SCN10A: variants seen among roughly 807,000 people sequenced by gnomAD.
The protein encoded by SCN10A is sodium voltage-gated channel alpha subunit 10, also known as sodium channel protein type 10 subunit alpha.
A neutral mutation model predicts 170.7 loss-of-function variants in SCN10A; 162 were observed. The observed-to-expected ratio is 0.95, with a 90% CI of 0.84 to 1.08. The LOEUF (loss-of-function observed/expected upper bound fraction) is 1.08. Ranked by LOEUF, SCN10A falls within the 50% of genes least tolerant of loss-of-function variation. SCN10A has a pLI of 0.00. For synonymous variants in SCN10A, 985 were observed against 904.6 expected (o/e 1.09, Z -1.59); for missense variants, 2,527 against 2,436.9 (o/e 1.04, Z -0.78).
intron 5 of SCN10A, among the ~76,000 whole-genome samples, chr3:38,766,651 G>A (rs1046199917): frequency 2.6e-5 from 4 of 151,978 alleles, no homozygotes; most frequent in Non-Finnish European, 5.9e-5. Context: ...TTTTGTTGAG[G>A]ATTTTTGCAT....
chr3:38,698,704 G>A (rs1401128911), intron 27 of SCN10A, 142 bp from the exon 28 acceptor site: 2 of 727,852 alleles, frequency 2.7e-6, no homozygotes, highest in Admixed American at 2.5e-5. Context: ...CTCAGAGCCT[G>A]GCATGGTAGG....
At chr3:38,778,921 A>G (rs2064106170) in intron 4 of SCN10A, among the ~76,000 whole-genome samples, 1 of 152,122 alleles carries the variant, frequency 6.6e-6, no homozygotes, top group Admixed American at 6.6e-5. Flanking sequence ...TACTTTTCAT[A>G]GTGTGCATAT....
intron 1 of SCN10A, among the ~76,000 whole-genome samples, chr3:38,809,668 G>A (rs148437758): frequency 2.0e-5 from 3 of 152,226 alleles, no homozygotes; most frequent in Non-Finnish European, 2.9e-5. Flanking sequence ...TTCTCTTCTG[G>A]ATCTTAGTTT....
At chr3:38,746,474 CT>C (rs1439073304) in intron 13 of SCN10A, among the ~76,000 whole-genome samples, 6 of 151,998 alleles carry the variant, frequency 3.9e-5, no homozygotes, top group Non-Finnish European at 8.8e-5. Flanking sequence ...CATACTTCCC[CT>C]CTTATATCTA....
rs151164057 is a variant in SCN10A at position 38,712,149 on chromosome 3, T to A, written c.4089+12A>T. 1.7e-4 allele frequency: 276 copies of A among 1,613,176 alleles called. No homozygotes were observed. In the East Asian group the frequency reaches 5.9e-3, roughly 35 times the overall value. On this transcript the variant is annotated intron_variant, in intron 23 of 27. Coordinates refer to ENST00000449082, the MANE Select transcript of SCN10A (RefSeq NM_006514.4). ...AAAGCAAGAGATATGGTTGATCTCA[T>A]GGTTGACTCACCACCTGCAGAAGTG... is the stretch of plus-strand genomic sequence containing the variant.
intron 3 of SCN10A, among the ~76,000 whole-genome samples, chr3:38,790,460 T>C (rs1456035080): frequency 6.6e-6 from 1 of 152,014 alleles, no homozygotes; most frequent in African/African-American, 2.4e-5. Flanking sequence ...GTCACTTGGT[T>C]CTTTTTAGGG....
rs745939820 is a variant in SCN10A at position 38,752,258 on chromosome 3, C to T, written c.1716G>A (p.Pro572=). 4.8e-5 allele frequency: 75 copies of T among 1,568,664 alleles called. No homozygotes were observed. The highest frequency in any genetic ancestry group is 6.1e-5 in the Non-Finnish European group (70 of 1,156,420). The change falls in exon 12 of 28, where the codon CCG becomes CCA. Residue 572 remains proline (P), a synonymous_variant. Coordinates refer to ENST00000449082, the MANE Select transcript of SCN10A (RefSeq NM_006514.4). ...CTCCAGGGGCAAGCTCACTAGTGGG[C>T]GGCGGTTGGTGTTCATCTTCTCCAT... is the stretch of plus-strand genomic sequence containing the variant. ...SRHGEDEHQP[P]PTSELAPGAV...
Position 38,793,923 on chromosome 3 carries a change from C to T in SCN10A, c.88G>A (p.Ala30Thr). 6.2e-7 allele frequency: 1 copy of T among 1,614,102 alleles called. No individual in the cohort carries two copies. ...CTGGCTTTCTTTGTTCCCTGCTTGG[C>T]AGCAATTTGCTTCTCTATCTCCACC... ...SLVEIEKQIA[A>T]KQGTKKAREK... The change falls in exon 2 of 28, where the codon GCC becomes ACC. Residue 30 changes from alanine to threonine, a missense_variant. Transcript: ENST00000449082.
At chr3:38,723,113 G>A (rs1387178408) in intron 19 of SCN10A, among the ~76,000 whole-genome samples, 2 of 152,130 alleles carry the variant, frequency 1.3e-5, no homozygotes, top group Non-Finnish European at 2.9e-5. Context: ...AGTTTTCAGT[G>A]GTGTTTATGG....
At chr3:38,787,000 C>T (rs1327437153) in intron 4 of SCN10A, among the ~76,000 whole-genome samples, 1 of 152,086 alleles carries the variant, frequency 6.6e-6, no homozygotes, top group Non-Finnish European at 1.5e-5. Context: ...ATAATTTGCT[C>T]TTTAAAATTT....
chr3:38,757,304 G>A (rs2063819701), intron 8 of SCN10A, 145 bp from the exon 9 acceptor site: 2 of 756,688 alleles, frequency 2.6e-6, no homozygotes. Flanking sequence ...TGGACACTTG[G>A]TCTGTTTAGG....
In SCN10A at chr3:38,726,983, C is replaced by T. The variant is rs774493534; in HGVS notation, c.2710G>A (p.Asp904Asn). ...SADNLTAPED[D>N]GEVNNLQVAL... ...ACCTGCAGGTTGTTCACCTCCCCAT[C>T]GTCCTCCGGGGCTGTGAGGTTGTCA... Residue 904 changes from aspartate to asparagine, a missense_variant, in exon 17 of 28, where the codon GAT (aspartate) becomes AAT (asparagine). Physicochemically the swap from Asp to Asn is conservative, Grantham distance 23. Transcript: ENST00000449082. The T allele has an allele frequency of 1.5e-5, 25 of 1,614,246 alleles. No homozygotes were observed. Among genetic ancestry groups the T allele is most frequent in the Admixed American group, 3.3e-5 (2 of 60,028 alleles).
chr3:38,726,488 G>T, intron 17 of SCN10A, 118 bp downstream of exon 17: 1 of 777,000 alleles, frequency 1.3e-6, no homozygotes, highest in Non-Finnish European at 2.0e-6. Flanking sequence ...GGAAAGCTTG[G>T]CATGGTTTAA....
At chr3:38,773,913 A>T (rs2064039560) in intron 4 of SCN10A, among the ~76,000 whole-genome samples, 1 of 152,188 alleles carries the variant, frequency 6.6e-6, no homozygotes, top group Non-Finnish European at 1.5e-5. Context: ...TATTATGAGT[A>T]TATTATTGGA....
chr3:38,781,611 GAT>G (rs1029788837), intron 4 of SCN10A, among the ~76,000 whole-genome samples: 8 of 152,072 alleles, frequency 5.3e-5, no homozygotes, highest in Non-Finnish European at 1.2e-4. Flanking sequence ...TAACCAGCGG[GAT>G]GCAGAAAATG....
rs2125978119 is a variant in SCN10A at position 38,697,079 on chromosome 3, A to G, written c.*270T>C. On this transcript the variant is annotated 3_prime_UTR_variant, in exon 28 of 28. Coordinates refer to ENST00000449082, the MANE Select transcript of SCN10A (RefSeq NM_006514.4). ...TACAACAAAAATAAAAGGACAAGGGATATTTTCTGGAGAGTAAGAGAACCC... is the reference window on the plus strand; with the variant it reads ...TACAACAAAAATAAAAGGACAAGGGGTATTTTCTGGAGAGTAAGAGAACCC... 2.1e-6 allele frequency: 1 copy of G among 485,504 alleles called. No homozygotes were observed. Among genetic ancestry groups the G allele is most frequent in the Middle Eastern group, 5.6e-4 (1 of 1,792 alleles). 30.1% of individuals were successfully genotyped at this position (485,504 alleles called of 1,614,324 possible).
Position 38,697,349 on chromosome 3 carries a change from C to T in SCN10A, c.5871G>A (p.Ter1957=). 6.2e-7 allele frequency: 1 copy of T among 1,613,210 alleles called. No individual in the cohort carries two copies. The highest frequency in any genetic ancestry group is 8.5e-7 in the Non-Finnish European group (1 of 1,179,276). Residue 1957 remains the stop codon, a stop_retained_variant, in exon 28 of 28, where the codon TAG becomes TAA. Transcript: ENST00000449082. The part of the protein sequence containing the change: ...TSMELIAPGP[*] ...ACATATCCAGGCTGGAGTGTTCTCA[C>T]TAGGGCCCAGGGGCAATCAGCTCCA...
At chr3:38,755,502 A>G (rs1375400038) in intron 11 of SCN10A, among the ~76,000 whole-genome samples, 1 of 152,026 alleles carries the variant, frequency 6.6e-6, no homozygotes, top group African/African-American at 2.4e-5. Context: ...TGATTGCCCA[A>G]TCCTGAAACC....
intron 17 of SCN10A, among the ~76,000 whole-genome samples, chr3:38,726,029 C>G (rs2063450704): frequency 6.6e-6 from 1 of 152,164 alleles, no homozygotes; most frequent in Non-Finnish European, 1.5e-5. Flanking sequence ...GAGGTGAATG[C>G]CCTGAGTTAC....
Sources: allele counts gnomAD v4.1 joint callset (sites outside exome capture counted in the v4.1 genomes callset), GRCh38; gene constraint gnomAD v4.1.1; transcripts MANE v1.5; gene names NCBI Gene and HGNC (gene_info 2026-07-23, HGNC 2026-07-21).